The following DDB2 variants were observed in gnomAD, a reference collection of about 807,000 sequenced individuals.
DDB2 encodes damage specific DNA binding protein 2.
DDB2 carries 27 observed loss-of-function variants against 50.5 expected under a neutral mutation model. The ratio of observed to expected loss-of-function variants is 0.53; its 90% CI spans 0.39 to 0.74. The LOEUF (loss-of-function observed/expected upper bound fraction) is 0.74. Among genes scored for constraint, DDB2 ranks in the 30% least tolerant of loss-of-function variants. DDB2 has a pLI of 0.00. For synonymous variants in DDB2, 176 were observed against 205.5 expected, an observed-to-expected ratio of 0.86 and a Z score of 1.23; for missense variants, 424 against 545.6, an observed-to-expected ratio of 0.78 and a Z score of 2.22.
chr11:47,235,791 C>G (rs1363135827), intron 7 of DDB2: 11 of 242,806 alleles, frequency 4.5e-5, no homozygotes, highest in Non-Finnish European at 6.5e-5. Context: ...GGGTCTCGCT[C>G]TGTCACCCAG....
rs947377635 is a variant in DDB2 at position 47,235,284 on chromosome 11, G to A, written c.895G>A (p.Asp299Asn). The change falls in exon 7 of 10, where the codon GAT becomes AAT. Residue 299 changes from aspartate (D) to asparagine (N), a missense_variant. By Grantham distance (23) the Asp-to-Asn change is conservative (BLOSUM62 1). Coordinates refer to ENST00000256996, the MANE Select transcript of DDB2 (RefSeq NM_000107.3). ...CACTTTGCCAGCTTGTTTCAGTCCC[G>A]ATGGAGCCCGGCTCCTGACCACGGA... ...HPVNAACFSP[D>N]GARLLTTDQK... is the part of the protein sequence containing the mutation. The A allele has an allele frequency of 2.5e-6, 4 of 1,614,192 alleles. No homozygotes were observed. The highest frequency in any genetic ancestry group is 1.6e-4 in the Middle Eastern group (1 of 6,062).
At position 47,234,954 on chromosome 11, in the gene DDB2, A is replaced by G. The variant is rs778626626; in HGVS notation, c.880+20A>G. The G allele has an allele frequency of 6.2e-7, 1 of 1,613,468 alleles. No homozygotes were observed. The highest frequency in any genetic ancestry group is 2.2e-5 in the East Asian group (1 of 44,876). On this transcript the variant is annotated intron_variant, in intron 6 of 9. Coordinates refer to ENST00000256996, the MANE Select transcript of DDB2 (RefSeq NM_000107.3). Reference sequence around the variant, plus strand: ...ACGCAGGTGTGATATCCCAGACCTCATCTCTCCTGCAGACCCTGCCTGTCT... The same window carrying G: ...ACGCAGGTGTGATATCCCAGACCTCGTCTCTCCTGCAGACCCTGCCTGTCT...
chr11:47,215,077 C>G lies in DDB2; in HGVS notation c.-60C>G. ...CCGCCTTGTTTCTCCCCAGAGGCCT[C>G]TCAATCCTCCCTCCATGATCTTCGC... On this transcript the variant is annotated 5_prime_UTR_variant, in exon 1 of 10. Transcript: ENST00000256996. 5 of 1,613,428 alleles carry G rather than the reference C, an allele frequency of 3.1e-6. No homozygotes were observed. The highest frequency in any genetic ancestry group is 4.2e-6 in the Non-Finnish European group (5 of 1,179,672).
intron 7 of DDB2, 55 bp downstream of exon 7, chr11:47,235,467 G>T: frequency 6.3e-7 from 1 of 1,577,796 alleles, no homozygotes; most frequent in Non-Finnish European, 8.6e-7. Flanking sequence ...TGAGGCCGGA[G>T]CAGGTCTGCC....
intron 4 of DDB2, among the ~76,000 whole-genome samples, chr11:47,234,281 A>T (rs1372528227): frequency 6.6e-6 from 1 of 152,114 alleles, no homozygotes; most frequent in Non-Finnish European, 1.5e-5. Flanking sequence ...GGCGTGCCTC[A>T]GGGCTTGCTT....
chr11:47,220,600 A>T (rs2135490342), intron 3 of DDB2: 1 of 152,272 alleles, frequency 6.6e-6, no homozygotes, highest in South Asian at 2.1e-4. Flanking sequence ...TAGGCATTGA[A>T]TTTTGTGGCT....
Position 47,215,229 on chromosome 11 carries a change from G to T in DDB2, c.93G>T (p.Glu31Asp). The change falls in exon 1 of 10, where the codon GAG becomes GAT. Residue 31 changes from glutamate to aspartate, a missense_variant. Glu to Asp is a conservative substitution (Grantham distance 45). Coordinates refer to ENST00000256996, the MANE Select transcript of DDB2 (RefSeq NM_000107.3). Reference sequence around the variant, plus strand: ...GGAGCAGGAGTCCCCTGGAGCTGGAGCCCGAGGCCAAGAAGCTCTGTGCGA... The same window carrying T: ...GGAGCAGGAGTCCCCTGGAGCTGGATCCCGAGGCCAAGAAGCTCTGTGCGA... ...NKRSRSPLEL[E>D]PEAKKLCAKG... is the part of the protein sequence containing the mutation. The T allele has an allele frequency of 6.2e-7, 1 of 1,614,014 alleles. No homozygotes were observed.
rs941780614 is a variant in DDB2 at position 47,232,684 on chromosome 11, T to C, written c.457-130T>C. ...GAAGGCCCTGTAGAGAGCGTCCTAG[T>C]GTCTAAGCTGACCTGGCCCCAAGCG... On this transcript the variant is annotated intron_variant, in intron 3 of 9. Coordinates refer to ENST00000256996, the MANE Select transcript of DDB2 (RefSeq NM_000107.3). The C allele has an allele frequency of 9.3e-5, 84 of 907,734 alleles. No individual in the cohort carries two copies. In the Admixed American group the frequency reaches 1.3e-3, roughly 14 times the overall value. The allele number at this position is 907,734 out of a possible 1,614,324, so 56.2% of individuals were successfully genotyped here. A position where few individuals can be genotyped will look rare whatever the true frequency, so the allele number is the denominator to read the frequency against.
intron 3 of DDB2, among the ~76,000 whole-genome samples, chr11:47,231,487 T>G (rs908050444): frequency 3.3e-5 from 5 of 152,234 alleles, no homozygotes; most frequent in Admixed American, 1.3e-4. Flanking sequence ...GGTTGCATAC[T>G]GCCTAATTCA....
chr11:47,227,521 T>A (rs74457022), intron 3 of DDB2, among the ~76,000 whole-genome samples: 15 of 150,470 alleles, frequency 1.0e-4, no homozygotes, highest in East Asian at 2.0e-4. Context: ...TTTTTTTTTT[T>A]AATTTTGAGA....
At chr11:47,227,735 T>TA (rs1366250918) in intron 3 of DDB2, among the ~76,000 whole-genome samples, 3 of 152,140 alleles carry the variant, frequency 2.0e-5, no homozygotes, top group African/African-American at 4.8e-5. Context: ...GGCCATAACA[T>TA]ATTTATCGTT....
chr11:47,238,833 CCAGGACACGG>C lies in DDB2; in HGVS notation c.1269_1278del (p.Arg424SerfsTer5). ...ATTCTCATCTGGAGCCAGGAGGAAGCCAGGACACGGAAGTGAGAGACACTAAAGAAGGTGT... is the reference window on the plus strand; with the variant it reads ...ATTCTCATCTGGAGCCAGGAGGAAGCAAGTGAGAGACACTAAAGAAGGTGT... On this transcript the variant is annotated frameshift_variant, in exon 10 of 10. Transcript: ENST00000256996. LOFTEE classifies it high-confidence loss of function. 6.2e-7 allele frequency: 1 copy of C among 1,613,590 alleles called. No homozygotes were observed.
chr11:47,215,851 T>C, intron 1 of DDB2: 1 of 273,142 alleles, frequency 3.7e-6, no homozygotes, highest in Non-Finnish European at 7.2e-6. Context: ...TTTATTGCTA[T>C]TCTAATTTCA....
At chr11:47,232,988 G>T in intron 4 of DDB2, 29 bp downstream of exon 4, 1 of 1,613,406 alleles carries the variant, frequency 6.2e-7, no homozygotes, top group Non-Finnish European at 8.5e-7. Flanking sequence ...AGGGGAAAGG[G>T]CTTCTAAGCT....
In DDB2 at chr11:47,216,328, C is replaced by T. The variant is rs369552849; in HGVS notation, c.128-8C>T. Reference sequence around the variant, plus strand: ...TGGAGAGGAAAATATGTCTGTTCTGCTTGGCAGGTCCTAGCAGAAGATGTG... The same window carrying T: ...TGGAGAGGAAAATATGTCTGTTCTGTTTGGCAGGTCCTAGCAGAAGATGTG... On this transcript the variant is annotated splice_polypyrimidine_tract_variant and splice_region_variant and intron_variant, in intron 1 of 9. Transcript: ENST00000256996. The T allele has an allele frequency of 1.5e-5, 24 of 1,614,116 alleles. No individual in the cohort carries two copies. The highest frequency in any genetic ancestry group is 1.1e-4 in the African/African-American group (8 of 75,038).
At chr11:47,222,049 CTG>C (rs1953492758) in intron 3 of DDB2, among the ~76,000 whole-genome samples, 1 of 152,140 alleles carries the variant, frequency 6.6e-6, no homozygotes, top group African/African-American at 2.4e-5. Context: ...ATGTGTACAA[CTG>C]TGAAGCCATC....
chr11:47,223,655 G>T (rs4647722), intron 3 of DDB2, among the ~76,000 whole-genome samples: 1 of 151,646 alleles, frequency 6.6e-6, no homozygotes, highest in Non-Finnish European at 1.5e-5. Flanking sequence ...GGTGGTGGGC[G>T]CCTGTAGTCC....
Position 47,234,603 on chromosome 11 carries a change from T to C in DDB2, c.633T>C (p.Ala211=). The C allele has an allele frequency of 6.2e-7, 1 of 1,614,118 alleles. No homozygotes were observed. Residue 211 remains alanine, a synonymous_variant, in exon 5 of 10, where the codon GCT becomes GCC. Transcript: ENST00000256996. ...NIWFCSLDVS[A]SSRMVVTGDN... ...GGTTTTGTAGCCTGGATGTGTCTGC[T>C]AGTAGCCGAATGGTGGTCACAGGAG...
rs79073050 is a variant in DDB2, at chr11:47,225,598, A to T, written c.457-7216A>T. 2.3e-4 allele frequency among the ~76,000 whole-genome samples: 33 copies of T among 145,658 alleles called. No homozygotes were observed. In the East Asian group the frequency reaches 3.4e-3, roughly 15 times the overall value. On this transcript the variant is annotated intron_variant, in intron 3 of 9. Transcript: ENST00000256996. ...CAGAGCGAGACTCCATCTCTATTTT[A>T]AAAAAAAAAAACAAAAAACTGGTAG...
Sources: allele counts gnomAD v4.1 joint callset (sites outside exome capture counted in the v4.1 genomes callset), GRCh38; gene constraint gnomAD v4.1.1; transcripts MANE v1.5; gene names NCBI Gene and HGNC (gene_info 2026-07-23, HGNC 2026-07-21).